Variants in CNTNAP2 observed in about 807,000 individuals in gnomAD.
CNTNAP2 encodes contactin associated protein 2.
A neutral mutation model predicts 155.2 loss-of-function variants in CNTNAP2; 98 were observed. That is an observed-to-expected ratio of 0.63 (90% CI 0.54 to 0.75). The LOEUF is 0.75. Among genes scored for constraint, CNTNAP2 ranks in the 30% least tolerant of loss-of-function variants. The pLI is 0.00. For synonymous variants in CNTNAP2, 651 were observed against 631.2 expected (o/e 1.03, Z -0.47); for missense variants, 1,727 against 1,688.1 (o/e 1.02, Z -0.40).
At chr7:147,978,526 G>A (rs1219567203) in intron 15 of CNTNAP2, among the ~76,000 whole-genome samples, 1 of 152,126 alleles carries the variant, frequency 6.6e-6, no homozygotes, top group Non-Finnish European at 1.5e-5. Context: ...TTGCTTTCAA[G>A]ATTAGTCACC....
chr7:146,373,462 A>G (rs1176793891), intron 1 of CNTNAP2, among the ~76,000 whole-genome samples: 1 of 152,004 alleles, frequency 6.6e-6, no homozygotes, highest in Non-Finnish European at 1.5e-5. Flanking sequence ...CATCAAAGGA[A>G]GCAAAGTGAG....
chr7:147,066,731 A>G (rs1486291545), intron 4 of CNTNAP2, among the ~76,000 whole-genome samples: 3 of 152,216 alleles, frequency 2.0e-5, no homozygotes, highest in African/African-American at 7.2e-5. Flanking sequence ...AATGCCAACC[A>G]TGGTGGGTAT....
At chr7:147,996,972 G>A (rs1221981875) in intron 15 of CNTNAP2, among the ~76,000 whole-genome samples, 4 of 152,114 alleles carry the variant, frequency 2.6e-5, no homozygotes, top group Non-Finnish European at 5.9e-5. Context: ...TCCCATTAAT[G>A]GGATTAGTAC....
At chr7:147,861,078 A>G (rs531421229) in intron 13 of CNTNAP2, among the ~76,000 whole-genome samples, 1 of 152,260 alleles carries the variant, frequency 6.6e-6, no homozygotes, top group South Asian at 2.1e-4. Context: ...GTTCCTTTCT[A>G]TGTCAACCAC....
intron 1 of CNTNAP2, among the ~76,000 whole-genome samples, chr7:146,509,431 G>A (rs1248060469): frequency 6.6e-6 from 1 of 152,190 alleles, no homozygotes; most frequent in East Asian, 1.9e-4. Context: ...AGGTGGGTAG[G>A]ATTTCCCCCA....
At chr7:146,833,330 C>T (rs1035687732) in intron 2 of CNTNAP2, among the ~76,000 whole-genome samples, 6 of 152,080 alleles carry the variant, frequency 3.9e-5, no homozygotes, top group South Asian at 4.1e-4. Context: ...TTTTCATTTG[C>T]ATGTTCTTCT....
Position 146,404,684 on chromosome 7 carries a change from T to C in CNTNAP2, c.97+287711T>C, listed in dbSNP as rs1396442980. ...CCTGAACGCCTGTGGAGCCTCATCTTTACTGCTCAGCCATCCCTTCCTTGC... is the reference window on the plus strand; with the variant it reads ...CCTGAACGCCTGTGGAGCCTCATCTCTACTGCTCAGCCATCCCTTCCTTGC... On this transcript the variant is annotated intron_variant, in intron 1 of 23. Transcript: ENST00000361727. 5.3e-5 allele frequency among the ~76,000 whole-genome samples: 8 copies of C among 152,110 alleles called. No homozygotes were observed. In the East Asian group the frequency reaches 1.6e-3, roughly 29 times the overall value.
chr7:147,408,680 C>A (rs2116483148), intron 10 of CNTNAP2, among the ~76,000 whole-genome samples: 1 of 152,246 alleles, frequency 6.6e-6, no homozygotes, highest in Admixed American at 6.5e-5. Context: ...ATGGTGTGAA[C>A]CCGGGAGGCG....
chr7:146,408,710 C>T (rs1483740204), intron 1 of CNTNAP2, among the ~76,000 whole-genome samples: 1 of 151,988 alleles, frequency 6.6e-6, no homozygotes, highest in Non-Finnish European at 1.5e-5. Flanking sequence ...CAACATGGCA[C>T]ATGAATACAT....
intron 20 of CNTNAP2, among the ~76,000 whole-genome samples, chr7:148,262,256 A>C (rs577671214): frequency 6.6e-6 from 1 of 152,180 alleles, no homozygotes; most frequent in Non-Finnish European, 1.5e-5. Context: ...GGAAGAATGG[A>C]GAACACTAAC....
At chr7:146,475,346 C>T (rs1796862249) in intron 1 of CNTNAP2, among the ~76,000 whole-genome samples, 2 of 152,220 alleles carry the variant, frequency 1.3e-5, no homozygotes, top group African/African-American at 4.8e-5. Flanking sequence ...AGAGGAAATT[C>T]AGTTCAAACA....
chr7:148,031,159 C>T (rs1802470110), intron 15 of CNTNAP2, among the ~76,000 whole-genome samples: 2 of 152,044 alleles, frequency 1.3e-5, no homozygotes, highest in African/African-American at 4.8e-5. Context: ...TACCCTTCCA[C>T]AGAGACTGAG....
chr7:146,645,160 A>T (rs572023440), intron 1 of CNTNAP2, among the ~76,000 whole-genome samples: 5 of 152,318 alleles, frequency 3.3e-5, no homozygotes, highest in Non-Finnish European at 7.3e-5. Flanking sequence ...TAAGCCCCAA[A>T]GATCAGGACA....
chr7:147,313,895 G>A (rs1301802622), intron 9 of CNTNAP2, among the ~76,000 whole-genome samples: 1 of 151,264 alleles, frequency 6.6e-6, no homozygotes, highest in Non-Finnish European at 1.5e-5. Flanking sequence ...CTACCCATGA[G>A]TATGGAATGT....
chr7:146,443,938 C>T (rs1255269984), intron 1 of CNTNAP2, among the ~76,000 whole-genome samples: 1 of 152,200 alleles, frequency 6.6e-6, no homozygotes, highest in Non-Finnish European at 1.5e-5. Flanking sequence ...GTTCTGTATA[C>T]ATTAGCTGAA....
intron 13 of CNTNAP2, among the ~76,000 whole-genome samples, chr7:147,871,404 G>A (rs1799324244): frequency 6.6e-6 from 1 of 152,154 alleles, no homozygotes; most frequent in South Asian, 2.1e-4. Context: ...CAAAATGCTT[G>A]TACATGTGCT....
At chr7:147,767,797 A>T (rs751561068) in intron 13 of CNTNAP2, among the ~76,000 whole-genome samples, 3 of 152,120 alleles carry the variant, frequency 2.0e-5, no homozygotes, top group African/African-American at 4.8e-5. Flanking sequence ...GCTTTCTTAC[A>T]GGAAAAATAA....
chr7:146,835,771 GA>G (rs1803604907), intron 2 of CNTNAP2, among the ~76,000 whole-genome samples: 1 of 152,120 alleles, frequency 6.6e-6, no homozygotes, highest in African/African-American at 2.4e-5. Flanking sequence ...TTTTGGGGAT[GA>G]AAACCTGTGG....
At chr7:148,130,115 T>G (rs1220531242) in intron 16 of CNTNAP2, among the ~76,000 whole-genome samples, 1 of 152,240 alleles carries the variant, frequency 6.6e-6, no homozygotes, top group Non-Finnish European at 1.5e-5. Context: ...AAAAGCCCCC[T>G]TCTGTGCTCC....
Sources: gnomAD v4.1 joint callset for allele counts (sites outside exome capture counted in the v4.1 genomes callset) on GRCh38, gnomAD v4.1.1 for gene constraint, MANE v1.5 for transcripts, NCBI Gene and HGNC (gene_info 2026-07-23, HGNC 2026-07-21) for gene names.